The following CDCA7 variants were observed in gnomAD, a reference collection of about 807,000 sequenced individuals.
CDCA7 encodes the protein cell division cycle associated 7.
A neutral mutation model predicts 54.0 loss-of-function variants in CDCA7; 28 were observed. The ratio of observed to expected loss-of-function variants is 0.52; its 90% confidence interval spans 0.38 to 0.71. The LOEUF (loss-of-function observed/expected upper bound fraction) is 0.71, where lower values mean the gene tolerates loss of function less well. Among genes scored for constraint, CDCA7 ranks in the 30% least tolerant of loss-of-function variants. The probability of loss-of-function intolerance (pLI) is 0.00; values close to 1 mark genes in which losing one functional copy is unlikely to be tolerated. For missense variants in CDCA7, 484 were observed against 586.0 expected (o/e 0.83, Z 1.80); for synonymous variants, 180 against 208.2 (o/e 0.86, Z 1.16).
intron 5 of CDCA7, 76 bp downstream of exon 5, chr2:173,363,971 C>G: frequency 7.3e-7 from 1 of 1,369,216 alleles, no homozygotes; most frequent in Non-Finnish European, 1.0e-6. Flanking sequence ...ATTTAAAAAT[C>G]TAATTTCTTT....
chr2:173,366,369 G>C lies in CDCA7; in HGVS notation c.1122G>C (p.Gln374His). The C allele has an allele frequency of 6.2e-7, 1 of 1,614,164 alleles. No individual in the cohort carries two copies. ...RNPDCWGVRG[Q>H]FCGPCLRNRY... The stretch of plus-strand genomic sequence containing the variant: ...CAGACTGCTGGGGCGTTCGAGGCCA[G>C]TTCTGTGGCCCCTGCCTTCGAAACC... The change falls in exon 8 of 10, where the codon CAG (glutamine) becomes CAC (histidine). Residue 374 changes from glutamine (Q) to histidine (H), a missense_variant. Transcript: ENST00000306721. The surrounding 1 kb of genome is among the most constrained non-coding windows in gnomAD (Gnocchi z 4.5).
At chr2:173,360,289 C>G (rs1290687580) in intron 3 of CDCA7, among the ~76,000 whole-genome samples, 1 of 152,268 alleles carries the variant, frequency 6.6e-6, no homozygotes, top group Non-Finnish European at 1.5e-5. Context: ...GGGGTCCAGT[C>G]TGCAGATCTG....
Position 173,359,404 on chromosome 2 carries a change from C to T in CDCA7, c.297C>T (p.Val99=), listed in dbSNP as rs2106388632. The part of the protein sequence containing the change: ...CGFLQKPRPD[V]TNELAGIFHA... ...TTTTACAGAAACCAAGGCCAGATGT[C>T]ACTAACGAACTGGCCGGTATTTTTC... Residue 99 remains valine (V), a synonymous_variant, in exon 3 of 10, where the codon GTC becomes GTT. Coordinates refer to ENST00000306721, the MANE Select transcript of CDCA7 (RefSeq NM_031942.5). 1 of 1,614,138 alleles carries T rather than the reference C, an allele frequency of 6.2e-7. No individual in the cohort carries two copies. Among genetic ancestry groups the T allele is most frequent in the African/African-American group, 1.3e-5 (1 of 75,046 alleles).
rs1243899729 is a variant in CDCA7 at position 173,366,584 on chromosome 2, G to GCCCCTCATT, written c.1185+153_1185+154insCCCTCATTC. The GCCCCTCATT allele has an allele frequency of 3.7e-6, 4 of 1,073,070 alleles. No individual in the cohort carries two copies. The highest frequency in any genetic ancestry group is 5.2e-6 in the Non-Finnish European group (4 of 767,926). 66.5% of individuals were successfully genotyped at this position (1,073,070 alleles called of 1,614,324 possible). ...AGATGGAGTCTCATTCTGTCGCCAG[G>GCCCCTCATT]CTGCAGTGCAGTGGCGCGATCTCAG... On this transcript the variant is annotated intron_variant, in intron 8 of 9. Transcript: ENST00000306721. This position sits in a 1 kb window ranked among gnomAD's most constrained non-coding sequence, Gnocchi z 4.5.
chr2:173,367,739 C>A lies in CDCA7; in HGVS notation c.*75C>A, dbSNP rs1686750627. ...AAAGTTTCCAATTTTTTCACTGAAA[C>A]CTGAGTTAAAAATCTTGATGATCAG... On this transcript the variant is annotated 3_prime_UTR_variant, in exon 10 of 10. Coordinates refer to ENST00000306721, the MANE Select transcript of CDCA7 (RefSeq NM_031942.5). 3 of 1,480,002 alleles carry A rather than the reference C, an allele frequency of 2.0e-6. No homozygotes were observed. In the Admixed American group the frequency reaches 5.1e-5, roughly 25 times the overall value. 91.7% of individuals were successfully genotyped at this position (1,480,002 alleles called of 1,614,324 possible).
chr2:173,363,588 G>A, intron 4 of CDCA7, 126 bp downstream of exon 4: 1 of 1,025,942 alleles, frequency 9.7e-7, no homozygotes, highest in Non-Finnish European at 1.4e-6. Context: ...TTGTTTACCT[G>A]TGAAGTCTTC....
In CDCA7 at chr2:173,367,772, C is replaced by T. The variant is rs10178066; in HGVS notation, c.*108C>T. On this transcript the variant is annotated 3_prime_UTR_variant, in exon 10 of 10. Transcript: ENST00000306721. ...AAAAATCTTGATGATCAGCCTGTTT[C>T]ATAAGAAACTCCAATCAAGTTAATC... 1.7e-3 allele frequency: 1,958 copies of T among 1,136,818 alleles called. 35 individuals are homozygous for T. The African/African-American group carries it at 0.027, about 16-fold the overall frequency. The allele number at this position is 1,136,818 out of a possible 1,614,324, so 70.4% of individuals were successfully genotyped here.
In CDCA7 at chr2:173,366,237, A is replaced by G. The variant is rs1478876341; in HGVS notation, c.1036-46A>G. 1 of 1,554,322 alleles carries G rather than the reference A, an allele frequency of 6.4e-7. No homozygotes were observed. Among genetic ancestry groups the G allele is most frequent in the African/African-American group, 1.5e-5 (1 of 64,876 alleles). On this transcript the variant is annotated intron_variant, in intron 7 of 9. Coordinates refer to ENST00000306721, the MANE Select transcript of CDCA7 (RefSeq NM_031942.5). The surrounding 1 kb of genome is among the most constrained non-coding windows in gnomAD (Gnocchi z 4.5). ...GTAAATATGCCATTTCCTCTGTTGA[A>G]AAACAGTGGTTTTTTTTGTTTTTTT...
Position 173,366,258 on chromosome 2 carries a change from T to TA in CDCA7, c.1036-25_1036-24insA. The TA allele has an allele frequency of 6.3e-7, 1 of 1,582,560 alleles. No homozygotes were observed. The highest frequency in any genetic ancestry group is 1.4e-5 in the African/African-American group (1 of 72,868). On this transcript the variant is annotated intron_variant, in intron 7 of 9. Coordinates refer to ENST00000306721, the MANE Select transcript of CDCA7 (RefSeq NM_031942.5). This position sits in a 1 kb window ranked among gnomAD's most constrained non-coding sequence, Gnocchi z 4.5. Reference sequence around the variant, plus strand: ...TTGAAAAACAGTGGTTTTTTTTGTTTTTTTTCTTAATGGCTTATTTGTAGG... The same window carrying TA: ...TTGAAAAACAGTGGTTTTTTTTGTTTATTTTTCTTAATGGCTTATTTGTAGG...
At position 173,367,877 on chromosome 2, in the gene CDCA7, T is replaced by C; in HGVS notation, c.*213T>C. ...TGCCCTCCTGCAGTTTCTTCTCTGC[T>C]CCCAACCCCCATCTCACAGCATCCC... On this transcript the variant is annotated 3_prime_UTR_variant, in exon 10 of 10. Coordinates refer to ENST00000306721, the MANE Select transcript of CDCA7 (RefSeq NM_031942.5). The C allele has an allele frequency of 1.7e-6, 1 of 596,102 alleles. No individual in the cohort carries two copies. Among genetic ancestry groups the C allele is most frequent in the Non-Finnish European group, 3.0e-6 (1 of 335,468 alleles). The allele number at this position is 596,102 out of a possible 1,614,324, so 36.9% of individuals were successfully genotyped here.
chr2:173,365,327 A>C, intron 6 of CDCA7, 125 bp from the exon 7 acceptor site: 1 of 1,085,822 alleles, frequency 9.2e-7, no homozygotes, highest in South Asian at 1.7e-5. Flanking sequence ...AGTATCTGAG[A>C]TTCAAAGCTG....
chr2:173,365,599 G>T lies in CDCA7; in HGVS notation c.1035+7G>T. 6.2e-7 allele frequency: 1 copy of T among 1,613,344 alleles called. No homozygotes were observed. The highest frequency in any genetic ancestry group is 8.5e-7 in the Non-Finnish European group (1 of 1,179,720). On this transcript the variant is annotated splice_region_variant and intron_variant, in intron 7 of 9. Coordinates refer to ENST00000306721, the MANE Select transcript of CDCA7 (RefSeq NM_031942.5). The stretch of plus-strand genomic sequence containing the variant: ...GATATATAACCGTTCACTGGTGAGA[G>T]CCTCTAAATTACACCTGAGAATGTA...
chr2:173,366,245 G>A lies in CDCA7; in HGVS notation c.1036-38G>A, dbSNP rs768646131. On this transcript the variant is annotated intron_variant, in intron 7 of 9. Coordinates refer to ENST00000306721, the MANE Select transcript of CDCA7 (RefSeq NM_031942.5). The surrounding 1 kb of genome is among the most constrained non-coding windows in gnomAD (Gnocchi z 4.5). The stretch of plus-strand genomic sequence containing the variant: ...GCCATTTCCTCTGTTGAAAAACAGT[G>A]GTTTTTTTTGTTTTTTTTCTTAATG... The A allele has an allele frequency of 2.0e-6, 3 of 1,470,920 alleles. No homozygotes were observed. Among genetic ancestry groups the A allele is most frequent in the East Asian group, 5.0e-5 (2 of 39,724 alleles). 91.1% of individuals were successfully genotyped at this position (1,470,920 alleles called of 1,614,324 possible). A position where few individuals can be genotyped will look rare whatever the true frequency, so the allele number is the denominator to read the frequency against.
rs1300482807 is a variant in CDCA7, at chr2:173,367,080, T to A, written c.1186-70T>A. On this transcript the variant is annotated intron_variant, in intron 8 of 9. Transcript: ENST00000306721. ...TTTTAACCATAAAGAAGGGGTTAAA[T>A]GTAATGTAGATAAGTTGGTGGGGGA... 4.6e-6 allele frequency: 7 copies of A among 1,520,716 alleles called. No homozygotes were observed. In the African/African-American group the frequency reaches 9.8e-5, roughly 21 times the overall value. The allele number at this position is 1,520,716 out of a possible 1,614,324, so 94.2% of individuals were successfully genotyped here.
At chr2:173,356,587 T>A (rs1024213969) in intron 1 of CDCA7, among the ~76,000 whole-genome samples, 1 of 152,186 alleles carries the variant, frequency 6.6e-6, no homozygotes, top group Non-Finnish European at 1.5e-5. Context: ...CACGGCTCAC[T>A]GCAGCCTACC....
At chr2:173,361,710 C>T (rs1235089241) in intron 3 of CDCA7, among the ~76,000 whole-genome samples, 1 of 152,140 alleles carries the variant, frequency 6.6e-6, no homozygotes, top group South Asian at 2.1e-4. Flanking sequence ...TCTCAGCCTC[C>T]CAAAGAGCTG....
chr2:173,366,686 G>A lies in CDCA7; in HGVS notation c.1185+254G>A, dbSNP rs1356545049. On this transcript the variant is annotated intron_variant, in intron 8 of 9. Transcript: ENST00000306721. The surrounding 1 kb of genome is among the most constrained non-coding windows in gnomAD (Gnocchi z 4.5). ...CCCAAGTAGCTGGGACTACAGGCAC[G>A]CGCCACCACACCTAGCTAATTTTTG... Among the ~76,000 whole-genome samples, 5 of 152,062 alleles carry A rather than the reference G, an allele frequency of 3.3e-5. No homozygotes were observed. Among genetic ancestry groups the A allele is most frequent in the Non-Finnish European group, 7.4e-5 (5 of 68,010 alleles).
rs1686704014 is a variant in CDCA7 at position 173,365,537 on chromosome 2, A to T, written c.980A>T (p.Glu327Val). The change falls in exon 7 of 10, where the codon GAG (glutamate) becomes GTG (valine). Residue 327 changes from glutamate to valine, a missense_variant. Around this residue, in one of 3 missense-constraint regions of CDCA7, gnomAD observed 398 missense variants for 447.4 expected, o/e 0.89. Transcript: ENST00000306721. ...CGCCCAGTGGAAGAAATTACAGAGG[A>T]GGAGTTGGAGAACGTCTGCAGCAAT... is the stretch of plus-strand genomic sequence containing the variant. ...IIRPVEEITE[E>V]ELENVCSNSR... 1 of 1,614,174 alleles carries T rather than the reference A, an allele frequency of 6.2e-7. No homozygotes were observed. Among genetic ancestry groups the T allele is most frequent in the South Asian group, 1.1e-5 (1 of 91,078 alleles).
rs1320570131 is a variant in CDCA7, at chr2:173,368,662, A to C, written c.*998A>C. 1 of 140,478 alleles carries C rather than the reference A, an allele frequency of 7.1e-6. No homozygotes were observed. Among genetic ancestry groups the C allele is most frequent in the Non-Finnish European group, 1.5e-5 (1 of 67,948 alleles). 8.7% of individuals were successfully genotyped at this position (140,478 alleles called of 1,614,324 possible). Reference sequence around the variant, plus strand: ...AGTTTGTTAACCTGACATCTCTGCCAGTCTAGTTTCTGGGCAGGTTTCCTG... The same window carrying C: ...AGTTTGTTAACCTGACATCTCTGCCCGTCTAGTTTCTGGGCAGGTTTCCTG... On this transcript the variant is annotated 3_prime_UTR_variant, in exon 10 of 10. Coordinates refer to ENST00000306721, the MANE Select transcript of CDCA7 (RefSeq NM_031942.5).
Sources: allele counts gnomAD v4.1 joint callset (sites outside exome capture counted in the v4.1 genomes callset), GRCh38; gene constraint gnomAD v4.1.1; regional missense constraint gnomAD v4.1.1; non-coding constraint Gnocchi (gnomAD v3.1); transcripts MANE v1.5; gene names NCBI Gene and HGNC (gene_info 2026-07-23, HGNC 2026-07-21).